HIF1A: variants seen among roughly 807,000 people sequenced by gnomAD.
HIF1A encodes the protein hypoxia-inducible factor 1-alpha.
HIF1A carries 24 observed loss-of-function variants against 92.7 expected under a neutral mutation model. The ratio of observed to expected loss-of-function variants is 0.26; its 90% CI spans 0.19 to 0.36. HIF1A has a LOEUF of 0.36. HIF1A is among the 10% of genes least tolerant of loss of function. HIF1A has a pLI of 1.00. For synonymous variants in HIF1A, 319 were observed against 338.7 expected, an observed-to-expected ratio of 0.94 and a Z score of 0.64; for missense variants, 799 against 998.5, an observed-to-expected ratio of 0.80 and a Z score of 2.69.
chr14:61,724,347 C>CAT (rs2044471862), intron 4 of HIF1A, among the ~76,000 whole-genome samples: 1 of 133,522 alleles, frequency 7.5e-6, no homozygotes, highest in Admixed American at 8.0e-5. Flanking sequence ...GACACACACA[C>CAT]ATTCTCTCTC....
intron 12 of HIF1A, among the ~76,000 whole-genome samples, chr14:61,743,696 G>C (rs2044742137): frequency 6.6e-6 from 1 of 152,170 alleles, no homozygotes; most frequent in South Asian, 2.1e-4. Context: ...TTTGGTTTGT[G>C]GGGTGTCTTG....
intron 3 of HIF1A, 36 bp downstream of exon 3, chr14:61,721,690 T>G: frequency 1.2e-6 from 2 of 1,610,236 alleles, no homozygotes; most frequent in East Asian, 4.5e-5. Flanking sequence ...CTTCTATATG[T>G]TTTTATGATT....
intron 14 of HIF1A, 21 bp from the exon 15 acceptor site, chr14:61,746,913 G>A: frequency 6.4e-7 from 1 of 1,574,462 alleles, no homozygotes; most frequent in South Asian, 1.2e-5. Flanking sequence ...TGTATACTTA[G>A]GTATCTCTTT....
At chr14:61,746,841 T>G in intron 14 of HIF1A, 93 bp from the exon 15 acceptor site, 1 of 1,049,298 alleles carries the variant, frequency 9.5e-7, no homozygotes, top group Non-Finnish European at 1.4e-6. Context: ...AGAATTTTGC[T>G]TTATTTTCTA....
At chr14:61,724,725 G>C (rs1339985358) in intron 4 of HIF1A, among the ~76,000 whole-genome samples, 1 of 152,014 alleles carries the variant, frequency 6.6e-6, no homozygotes, top group East Asian at 1.9e-4. Flanking sequence ...CAGTTTTCAA[G>C]TCTATTAAGA....
chr14:61,706,088 T>C (rs2044236633), intron 1 of HIF1A, among the ~76,000 whole-genome samples: 1 of 152,170 alleles, frequency 6.6e-6, no homozygotes, highest in Non-Finnish European at 1.5e-5. Context: ...TCTTAGGTTC[T>C]AGTCTTAGAT....
intron 1 of HIF1A, among the ~76,000 whole-genome samples, chr14:61,704,261 A>G (rs2044210803): frequency 6.6e-6 from 1 of 152,162 alleles, no homozygotes; most frequent in Non-Finnish European, 1.5e-5. Flanking sequence ...CTTTGTGATA[A>G]TCTGACGAAG....
chr14:61,697,578 T>C (rs1193412702), intron 1 of HIF1A: 1 of 519,424 alleles, frequency 1.9e-6, no homozygotes, highest in African/African-American at 2.0e-5. Flanking sequence ...CTAAATAAGC[T>C]CTTAGATTTT....
At chr14:61,701,937 A>C (rs1018178699) in intron 1 of HIF1A, among the ~76,000 whole-genome samples, 2 of 152,046 alleles carry the variant, frequency 1.3e-5, no homozygotes, top group African/African-American at 2.4e-5. Flanking sequence ...GCGGTGAGCC[A>C]AGATCGCCCC....
intron 2 of HIF1A, 45 bp from the exon 3 acceptor site, chr14:61,721,458 TTAAGTA>T (rs996001685): frequency 6.8e-7 from 1 of 1,472,288 alleles, no homozygotes; most frequent in Non-Finnish European, 9.4e-7. Flanking sequence ...ATTATATCAT[TTAAGTA>T]CAACTTTTTA....
In HIF1A at chr14:61,741,013, G is replaced by A; in HGVS notation, c.1918G>A (p.Ala640Thr). The A allele has an allele frequency of 6.2e-7, 1 of 1,614,048 alleles. No individual in the cohort carries two copies. Among genetic ancestry groups the A allele is most frequent in the Non-Finnish European group, 8.5e-7 (1 of 1,179,930 alleles). ...DRMEDIKILI[A>T]SPSPTHIHKE... ...TATGGAAGACATTAAAATATTGATT[G>A]CATCTCCATCTCCTACCCACATACA... The change falls in exon 12 of 15, where the codon GCA (alanine) becomes ACA (threonine). Residue 640 changes from alanine (A) to threonine (T), a missense_variant. Physicochemically the swap from Ala to Thr is moderately conservative, Grantham distance 58. Transcript: ENST00000337138.
intron 13 of HIF1A, among the ~76,000 whole-genome samples, 186 bp downstream of exon 13, chr14:61,744,999 A>T (rs2044761220): frequency 6.6e-6 from 1 of 152,208 alleles, no homozygotes; most frequent in African/African-American, 2.4e-5. Context: ...TTTAATACAT[A>T]CATTCTTGGT....
intron 7 of HIF1A, among the ~76,000 whole-genome samples, chr14:61,733,628 A>G (rs2044602202): frequency 6.6e-6 from 1 of 152,314 alleles, no homozygotes; most frequent in Non-Finnish European, 1.5e-5. Context: ...CAATCCTCAA[A>G]ATAATACCAT....
At chr14:61,746,650 C>T (rs2044796374) in intron 14 of HIF1A, among the ~76,000 whole-genome samples, 1 of 152,110 alleles carries the variant, frequency 6.6e-6, no homozygotes, top group Non-Finnish European at 1.5e-5. Context: ...CTGCCTCAGC[C>T]TGTGCTAGGA....
chr14:61,744,924 T>C (rs2044759911), intron 13 of HIF1A, 111 bp downstream of exon 13: 1 of 517,238 alleles, frequency 1.9e-6, no homozygotes, highest in South Asian at 3.4e-5. Flanking sequence ...AGTAAAGTTA[T>C]ATTTTCAGAA....
Position 61,747,138 on chromosome 14 carries a change from A to AGC in HIF1A, c.*54_*55dup. On this transcript the variant is annotated 3_prime_UTR_variant, in exon 15 of 15. Coordinates refer to ENST00000337138, the MANE Select transcript of HIF1A (RefSeq NM_001530.4). ...TGGACACTGGTGGCTCATTACCTAAAGCAGTCTATTTATATTTTCTACATC... is the reference window on the plus strand; with the variant it reads ...TGGACACTGGTGGCTCATTACCTAAAGCGCAGTCTATTTATATTTTCTACATC... 2.0e-6 allele frequency: 3 copies of AGC among 1,463,426 alleles called. No homozygotes were observed. Among genetic ancestry groups the AGC allele is most frequent in the Non-Finnish European group, 2.8e-6 (3 of 1,078,282 alleles). 90.7% of individuals were successfully genotyped at this position (1,463,426 alleles called of 1,614,324 possible).
chr14:61,703,031 C>CT (rs1386337155), intron 1 of HIF1A, among the ~76,000 whole-genome samples: 4 of 152,072 alleles, frequency 2.6e-5, no homozygotes, highest in African/African-American at 9.7e-5. Flanking sequence ...TCTTAATACT[C>CT]TCCAGATTTC....
chr14:61,741,248 GATAGTACATGATTTTTAAACTT>G, intron 12 of HIF1A, 60 bp downstream of exon 12: 1 of 1,167,850 alleles, frequency 8.6e-7, no homozygotes, highest in Non-Finnish European at 1.2e-6. Flanking sequence ...AAATGTATGT[GATAGTACATGATTTTTAAACTT>G]ATAGCAAACT....
At chr14:61,736,272 C>T (rs2044636657) in intron 8 of HIF1A, among the ~76,000 whole-genome samples, 1 of 152,190 alleles carries the variant, frequency 6.6e-6, no homozygotes, top group Non-Finnish European at 1.5e-5. Context: ...CCACCACGCC[C>T]AGCCTGGATA....
Sources: allele counts gnomAD v4.1 joint callset (sites outside exome capture counted in the v4.1 genomes callset), GRCh38; gene constraint gnomAD v4.1.1; transcripts MANE v1.5; gene names NCBI Gene and HGNC (gene_info 2026-07-23, HGNC 2026-07-21).